RASGRP1: variants seen among roughly 807,000 people sequenced by gnomAD.
RASGRP1 encodes the protein RAS guanyl releasing protein 1.
A neutral mutation model predicts 95.1 loss-of-function variants in RASGRP1; 37 were observed. The observed-to-expected ratio is 0.39, with a 90% confidence interval of 0.30 to 0.51. The LOEUF is 0.51. Ranked by LOEUF, RASGRP1 falls within the 20% of genes least tolerant of loss-of-function variation. The probability of loss-of-function intolerance (pLI) is 0.80; values close to 1 mark genes in which losing one functional copy is unlikely to be tolerated. For synonymous variants in RASGRP1, 325 were observed against 353.4 expected (o/e 0.92, Z 0.90); for missense variants, 711 against 965.4 (o/e 0.74, Z 3.49).
rs368259294 is a variant in RASGRP1, at chr15:38,519,329, C to A, written c.369G>T (p.Leu123=). The A allele has an allele frequency of 6.5e-5, 99 of 1,529,636 alleles. No homozygotes were observed. Among genetic ancestry groups the A allele is most frequent in the Middle Eastern group, 3.4e-4 (2 of 5,916 alleles). 94.8% of individuals were successfully genotyped at this position (1,529,636 alleles called of 1,614,324 possible). A position where few individuals can be genotyped will look rare whatever the true frequency, so the allele number is the denominator to read the frequency against. Residue 123 remains leucine, a synonymous_variant, in exon 4 of 17, where the codon CTG becomes CTT. Coordinates refer to ENST00000310803, the MANE Select transcript of RASGRP1 (RefSeq NM_005739.4). ...ATTACCTTACAAAATAACAGATCTT[C>A]AGGCAAAGTCCTGGTGAATTCTTTG... is the stretch of plus-strand genomic sequence containing the variant. ...ALAKNSPGLC[L]KICYFVRYWI...
chr15:38,531,643 C>T (rs372096881), intron 2 of RASGRP1, among the ~76,000 whole-genome samples: 9 of 152,146 alleles, frequency 5.9e-5, no homozygotes, highest in Admixed American at 4.6e-4. Context: ...TTAATCCTCA[C>T]ATGGTCTCTG....
chr15:38,517,588 T>C (rs1891838145), intron 5 of RASGRP1, among the ~76,000 whole-genome samples: 1 of 152,174 alleles, frequency 6.6e-6, no homozygotes, highest in Non-Finnish European at 1.5e-5. Context: ...ACATTCTTGC[T>C]GAGCCTCAAT....
At chr15:38,498,061 G>A (rs753330827) in intron 15 of RASGRP1, among the ~76,000 whole-genome samples, 8 of 152,146 alleles carry the variant, frequency 5.3e-5, no homozygotes, top group Non-Finnish European at 1.0e-4. Flanking sequence ...AAAAATTGGG[G>A]CTATCATAGA....
At chr15:38,513,682 T>C (rs927014274) in intron 6 of RASGRP1, among the ~76,000 whole-genome samples, 4 of 152,200 alleles carry the variant, frequency 2.6e-5, no homozygotes, top group African/African-American at 9.6e-5. Flanking sequence ...AAACTGGAAA[T>C]GTCCCTGAAG....
chr15:38,562,383 C>T (rs553422627), intron 1 of RASGRP1, among the ~76,000 whole-genome samples: 8 of 152,344 alleles, frequency 5.3e-5, no homozygotes, highest in African/African-American at 1.9e-4. Context: ...GAGCAACGTG[C>T]CTGGCCACCA....
chr15:38,554,282 C>CA (rs529542090), intron 2 of RASGRP1, among the ~76,000 whole-genome samples: 1 of 152,192 alleles, frequency 6.6e-6, no homozygotes, highest in South Asian at 2.1e-4. Flanking sequence ...GTTAAAGGAG[C>CA]AAAATAACAA....
At chr15:38,540,560 A>C (rs1269985003) in intron 2 of RASGRP1, among the ~76,000 whole-genome samples, 2 of 152,232 alleles carry the variant, frequency 1.3e-5, no homozygotes, top group Non-Finnish European at 2.9e-5. Flanking sequence ...AGGAAGTAAA[A>C]GGGTAAAAAG....
Position 38,488,205 on chromosome 15 carries a change from A to G in RASGRP1, c.*2349T>C, listed in dbSNP as rs1890427669. ...ATCTGTACATTTGTTTTTTTCTTGC[A>G]TTTCTATATTATACATTTTGAGACA... On this transcript the variant is annotated 3_prime_UTR_variant, in exon 17 of 17. Coordinates refer to ENST00000310803, the MANE Select transcript of RASGRP1 (RefSeq NM_005739.4). 1 of 152,022 alleles carries G rather than the reference A, an allele frequency of 6.6e-6. No homozygotes were observed. Among genetic ancestry groups the G allele is most frequent in the African/African-American group, 2.4e-5 (1 of 41,436 alleles). 9.4% of individuals were successfully genotyped at this position (152,022 alleles called of 1,614,324 possible).
chr15:38,520,561 C>T (rs1174027851), intron 3 of RASGRP1, among the ~76,000 whole-genome samples: 1 of 152,104 alleles, frequency 6.6e-6, no homozygotes, highest in Admixed American at 6.5e-5. Flanking sequence ...TAATTAAGTG[C>T]TTTACACTTG....
intron 16 of RASGRP1, among the ~76,000 whole-genome samples, chr15:38,492,950 G>A (rs1410650049): frequency 4.0e-5 from 6 of 150,050 alleles, no homozygotes; most frequent in African/African-American, 7.4e-5. Flanking sequence ...GTGCCATTTC[G>A]GCTCACTGCA....
At chr15:38,539,549 T>G (rs1328245694) in intron 2 of RASGRP1, among the ~76,000 whole-genome samples, 1 of 16,528 alleles carries the variant, frequency 6.1e-5, no homozygotes, top group Non-Finnish European at 9.0e-5. Context: ...TGCATTGCCG[T>G]TTTTTTTTTT....
intron 2 of RASGRP1, 71 bp downstream of exon 2, chr15:38,559,750 G>T: frequency 1.4e-6 from 2 of 1,461,714 alleles, no homozygotes; most frequent in Non-Finnish European, 1.9e-6. Context: ...TTGCTGTTCC[G>T]TAAAGCACTT....
At chr15:38,547,720 G>A (rs1363899397) in intron 2 of RASGRP1, among the ~76,000 whole-genome samples, 5 of 150,476 alleles carry the variant, frequency 3.3e-5, no homozygotes, top group Non-Finnish European at 4.4e-5. Context: ...CCCACATGTG[G>A]TAAATGGCAG....
Position 38,501,180 on chromosome 15 carries a change from T to A in RASGRP1, c.1646A>T (p.Tyr549Phe), listed in dbSNP as rs1467571513. The change falls in exon 13 of 17, where the codon TAC becomes TTC. Residue 549 changes from tyrosine (Y) to phenylalanine (F), a missense_variant. This residue lies in a region of RASGRP1 where 491 missense variants were observed against 676.6 expected (regional missense o/e 0.73). Coordinates refer to ENST00000310803, the MANE Select transcript of RASGRP1 (RefSeq NM_005739.4). ...GTTGTCACAAAAAGTGGGCTTCAGG[T>A]AGGTGGTCTCTTGGAAGTTGTGAGG... is the stretch of plus-strand genomic sequence containing the variant. ...GFPHNFQETT[Y>F]LKPTFCDNCA... The A allele has an allele frequency of 1.9e-6, 3 of 1,612,012 alleles. No individual in the cohort carries two copies. Among genetic ancestry groups the A allele is most frequent in the Non-Finnish European group, 2.5e-6 (3 of 1,179,000 alleles).
chr15:38,515,139 G>A (rs1490072842), intron 6 of RASGRP1, among the ~76,000 whole-genome samples: 1 of 152,206 alleles, frequency 6.6e-6, no homozygotes, highest in African/African-American at 2.4e-5. Context: ...TGATTTGCAG[G>A]TCTCCTTCCA....
intron 2 of RASGRP1, among the ~76,000 whole-genome samples, chr15:38,535,659 C>T (rs1014153623): frequency 6.6e-6 from 1 of 152,198 alleles, no homozygotes; most frequent in South Asian, 2.1e-4. Flanking sequence ...AGAAACGCTC[C>T]TCCCTGGGCC....
At chr15:38,560,587 A>G (rs2141201447) in intron 1 of RASGRP1, among the ~76,000 whole-genome samples, 1 of 152,336 alleles carries the variant, frequency 6.6e-6, no homozygotes, top group Middle Eastern at 3.4e-3. Flanking sequence ...GAAGTCAAAG[A>G]CTGAGGACTC....
rs555558128 is a variant in RASGRP1, at chr15:38,516,951, CATT to C, written c.522-604_522-602del. 3.0e-3 allele frequency among the ~76,000 whole-genome samples: 456 copies of C among 152,164 alleles called. 1 individual carries two copies. The highest frequency in any genetic ancestry group is 6.8e-3 in the Middle Eastern group (2 of 294). ...CTGACCCTAGAGTGCGCCCTGCCCC[CATT>C]ATTTTCTTGTAATCAACCCATGCAT... is the stretch of plus-strand genomic sequence containing the variant. On this transcript the variant is annotated intron_variant, in intron 5 of 16. Transcript: ENST00000310803.
intron 8 of RASGRP1, 44 bp from the exon 9 acceptor site, chr15:38,508,045 G>C: frequency 6.4e-7 from 1 of 1,552,180 alleles, no homozygotes; most frequent in Non-Finnish European, 8.7e-7. Flanking sequence ...GCTAGGCAGT[G>C]TGCATTGTCT....
Sources: allele counts gnomAD v4.1 joint callset (sites outside exome capture counted in the v4.1 genomes callset), GRCh38; gene constraint gnomAD v4.1.1; regional missense constraint gnomAD v4.1.1; transcripts MANE v1.5; gene names NCBI Gene and HGNC (gene_info 2026-07-23, HGNC 2026-07-21).